The following ARL15 variants were observed in gnomAD, a reference collection of about 807,000 sequenced individuals.
ARL15 encodes the protein ARF like GTPase 15.
ARL15 carries 19 observed loss-of-function variants against 25.2 expected under a neutral mutation model. The ratio of observed to expected loss-of-function variants is 0.75; its 90% CI spans 0.53 to 1.10. The LOEUF (loss-of-function observed/expected upper bound fraction) is 1.10, where lower values mean the gene tolerates loss of function less well. Ranked by LOEUF, ARL15 falls within the 50% of genes least tolerant of loss-of-function variation. ARL15 has a pLI of 0.00. For missense variants in ARL15, 220 were observed against 246.0 expected, an observed-to-expected ratio of 0.89 and a Z score of 0.71; for synonymous variants, 94 against 86.8, an observed-to-expected ratio of 1.08 and a Z score of -0.46.
intron 4 of ARL15, among the ~76,000 whole-genome samples, chr5:54,093,312 G>T (rs1326295089): frequency 6.6e-6 from 1 of 152,188 alleles, no homozygotes; most frequent in East Asian, 1.9e-4. Context: ...CTAGGCCAGG[G>T]TGTTCTCTGG....
intron 4 of ARL15, among the ~76,000 whole-genome samples, chr5:54,057,413 T>A (rs1649926201): frequency 6.6e-6 from 1 of 152,214 alleles, no homozygotes; most frequent in African/African-American, 2.4e-5. Flanking sequence ...GGGCAGGTTT[T>A]AACACACAAC....
intron 4 of ARL15, among the ~76,000 whole-genome samples, chr5:53,985,295 CT>C (rs1220984561): frequency 6.6e-6 from 1 of 152,150 alleles, no homozygotes; most frequent in Non-Finnish European, 1.5e-5. Context: ...TTTTAAAAAA[CT>C]GTGGTAAAAT....
intron 4 of ARL15, among the ~76,000 whole-genome samples, chr5:54,018,020 G>C (rs1459833446): frequency 6.6e-6 from 1 of 152,046 alleles, no homozygotes; most frequent in Non-Finnish European, 1.5e-5. Context: ...GCAGCATTTA[G>C]AAGTACCGAA....
intron 4 of ARL15, among the ~76,000 whole-genome samples, chr5:53,997,396 CCTGA>C (rs1243137785): frequency 6.6e-6 from 1 of 152,158 alleles, no homozygotes; most frequent in Non-Finnish European, 1.5e-5. Context: ...AATCTCTTTT[CCTGA>C]CTATTTCTTA....
Position 53,886,368 on chromosome 5 carries a change from A to G in ARL15, c.*193T>C. 2 of 585,160 alleles carry G rather than the reference A, an allele frequency of 3.4e-6. No homozygotes were observed. Among genetic ancestry groups the G allele is most frequent in the Non-Finnish European group, 5.9e-6 (2 of 341,424 alleles). 36.2% of individuals were successfully genotyped at this position (585,160 alleles called of 1,614,324 possible). ...AATAAATTCTCTCTCAGTAGTGTGT[A>G]CTTGACGTTAATGCCGATGATAATT... On this transcript the variant is annotated 3_prime_UTR_variant, in exon 5 of 5. Coordinates refer to ENST00000504924, the MANE Select transcript of ARL15 (RefSeq NM_019087.3).
chr5:54,159,712 A>G (rs1375402060), intron 2 of ARL15, among the ~76,000 whole-genome samples: 1 of 152,232 alleles, frequency 6.6e-6, no homozygotes, highest in East Asian at 1.9e-4. Context: ...AGTAAGACTG[A>G]AACCTCCCCT....
At chr5:54,081,686 G>A (rs1032943950) in intron 4 of ARL15, among the ~76,000 whole-genome samples, 3 of 152,026 alleles carry the variant, frequency 2.0e-5, no homozygotes, top group East Asian at 1.9e-4. Flanking sequence ...CTTCCTCTTC[G>A]CCTTCTGCCA....
At chr5:54,247,285 T>C (rs911460001) in intron 1 of ARL15, among the ~76,000 whole-genome samples, 2 of 151,998 alleles carry the variant, frequency 1.3e-5, no homozygotes, top group African/African-American at 4.8e-5. Flanking sequence ...AGAAAGTAGC[T>C]AGGACTGAAT....
At chr5:54,299,148 C>T (rs1267779424) in intron 1 of ARL15, among the ~76,000 whole-genome samples, 3 of 152,098 alleles carry the variant, frequency 2.0e-5, no homozygotes, top group Admixed American at 6.5e-5. Flanking sequence ...GTGATCCTCC[C>T]GCCTTGGCCT....
chr5:53,923,580 T>C (rs888405755), intron 4 of ARL15, among the ~76,000 whole-genome samples: 11 of 152,232 alleles, frequency 7.2e-5, no homozygotes, highest in African/African-American at 2.4e-4. Context: ...TAACCTAAAC[T>C]GATTCTTTTC....
intron 4 of ARL15, among the ~76,000 whole-genome samples, chr5:53,950,406 C>T (rs1386777424): frequency 6.6e-6 from 1 of 152,166 alleles, no homozygotes; most frequent in Non-Finnish European, 1.5e-5. Flanking sequence ...GTTTGAATTT[C>T]TGTTAACAGT....
intron 1 of ARL15, among the ~76,000 whole-genome samples, chr5:54,268,575 G>GT (rs1757693000): frequency 1.3e-5 from 2 of 152,088 alleles, no homozygotes; most frequent in Admixed American, 6.5e-5. Context: ...TTTCTGCTCT[G>GT]TTTTTTCCCC....
At chr5:54,217,679 A>G (rs936431432) in intron 1 of ARL15, among the ~76,000 whole-genome samples, 1 of 152,192 alleles carries the variant, frequency 6.6e-6, no homozygotes, top group African/African-American at 2.4e-5. Flanking sequence ...AGAAATGTAC[A>G]TCTCAGATGA....
chr5:53,976,709 T>G (rs1747938355), intron 4 of ARL15, among the ~76,000 whole-genome samples: 1 of 152,128 alleles, frequency 6.6e-6, no homozygotes, highest in African/African-American at 2.4e-5. Context: ...ATGTCGAGCT[T>G]GAGGTCGTGG....
intron 3 of ARL15, among the ~76,000 whole-genome samples, chr5:54,139,567 T>G (rs1349005080): frequency 6.6e-6 from 1 of 152,192 alleles, no homozygotes; most frequent in East Asian, 1.9e-4. Flanking sequence ...GGTTACAATG[T>G]ACACTACTTG....
In ARL15 at chr5:54,065,977, C is replaced by T. The variant is rs10062710; in HGVS notation, c.462+47225G>A. 5.7e-3 allele frequency among the ~76,000 whole-genome samples: 861 copies of T among 152,222 alleles called. 9 individuals are homozygous for T. Among genetic ancestry groups the T allele is most frequent in the African/African-American group, 0.018 (748 of 41,536 alleles). On this transcript the variant is annotated intron_variant, in intron 4 of 4. Coordinates refer to ENST00000504924, the MANE Select transcript of ARL15 (RefSeq NM_019087.3). ...ATTTGGATCAATAAGGAATATAAAC[C>T]GCACTATTATTACCACTACTTCAAA... is the stretch of plus-strand genomic sequence containing the variant.
intron 4 of ARL15, among the ~76,000 whole-genome samples, chr5:54,033,162 A>T (rs776300082): frequency 6.6e-5 from 10 of 150,996 alleles, no homozygotes; most frequent in Non-Finnish European, 1.5e-4. Context: ...AAATACAAAA[A>T]ATTCGCTGGG....
intron 2 of ARL15, among the ~76,000 whole-genome samples, chr5:54,156,882 G>T (rs1050086721): frequency 2.2e-4 from 33 of 152,338 alleles, no homozygotes; most frequent in African/African-American, 7.9e-4. Flanking sequence ...GCCTCTCCAG[G>T]TGTCTGGCCT....
intron 1 of ARL15, among the ~76,000 whole-genome samples, chr5:54,253,473 T>G (rs1238232950): frequency 1.3e-5 from 2 of 152,112 alleles, no homozygotes; most frequent in African/African-American, 2.4e-5. Flanking sequence ...TACCACCAAA[T>G]GAAAATCTGT....
Sources: gnomAD v4.1 joint callset for allele counts (sites outside exome capture counted in the v4.1 genomes callset) on GRCh38, gnomAD v4.1.1 for gene constraint, MANE v1.5 for transcripts, NCBI Gene and HGNC (gene_info 2026-07-23, HGNC 2026-07-21) for gene names.